KIAA0825: variants seen among roughly 807,000 people sequenced by gnomAD.
The protein encoded by KIAA0825 is KIAA0825.
Under a neutral mutation model 147.6 loss-of-function variants are expected in KIAA0825, and 119 were observed. That is an observed-to-expected ratio of 0.81 (90% confidence interval 0.69 to 0.94). The LOEUF (loss-of-function observed/expected upper bound fraction) is 0.94. Ranked by LOEUF, KIAA0825 falls within the 40% of genes least tolerant of loss-of-function variation. KIAA0825 has a pLI of 0.00. For missense variants in KIAA0825, 1,381 were observed against 1,472.7 expected, an observed-to-expected ratio of 0.94 and a Z score of 1.02; for synonymous variants, 470 against 518.1, an observed-to-expected ratio of 0.91 and a Z score of 1.26.
chr5:94,240,170 A>C (rs1486936676), intron 20 of KIAA0825, among the ~76,000 whole-genome samples: 1 of 152,214 alleles, frequency 6.6e-6, no homozygotes, highest in East Asian at 1.9e-4. Flanking sequence ...GATTTATTGC[A>C]AGTTGTTTAA....
chr5:94,416,579 A>G (rs1206856558), intron 15 of KIAA0825: 3 of 152,236 alleles, frequency 2.0e-5, no homozygotes, highest in African/African-American at 7.2e-5. Context: ...TAAGGATAAG[A>G]CAATGTGAGA....
intron 14 of KIAA0825, among the ~76,000 whole-genome samples, chr5:94,425,749 C>T (rs895217908): frequency 2.6e-5 from 4 of 152,156 alleles, no homozygotes; most frequent in Non-Finnish European, 5.9e-5. Flanking sequence ...GTATGTGTTC[C>T]CTTTTCTCCA....
chr5:94,248,781 A>T (rs1011412277), intron 20 of KIAA0825, among the ~76,000 whole-genome samples: 7 of 152,126 alleles, frequency 4.6e-5, no homozygotes, highest in African/African-American at 1.4e-4. Flanking sequence ...ACCCTGAACT[A>T]CGTTTTTTCC....
At chr5:94,490,638 C>T (rs1026174858) in intron 5 of KIAA0825, among the ~76,000 whole-genome samples, 1 of 151,714 alleles carries the variant, frequency 6.6e-6, no homozygotes, top group Non-Finnish European at 1.5e-5. Flanking sequence ...AAAACTGTTA[C>T]CCTACATTTT....
intron 13 of KIAA0825, among the ~76,000 whole-genome samples, chr5:94,449,868 C>T (rs1426836144): frequency 2.0e-5 from 3 of 152,146 alleles, no homozygotes; most frequent in African/African-American, 7.2e-5. Context: ...CACTTGAGGT[C>T]AGGAGTTTGA....
At chr5:94,529,111 A>G (rs1169627786) in intron 3 of KIAA0825, among the ~76,000 whole-genome samples, 1 of 151,224 alleles carries the variant, frequency 6.6e-6, no homozygotes. Flanking sequence ...GAGAAGCTAC[A>G]TACTGAGGGT....
intron 20 of KIAA0825, among the ~76,000 whole-genome samples, chr5:94,192,421 C>A (rs909345715): frequency 1.8e-4 from 28 of 152,080 alleles, no homozygotes; most frequent in Admixed American, 6.6e-5. Flanking sequence ...TGATTTATAA[C>A]CTCTATTTCT....
chr5:94,435,110 C>A lies in KIAA0825; in HGVS notation c.2497+4872G>T, dbSNP rs142712709. 2.4e-3 allele frequency among the ~76,000 whole-genome samples: 369 copies of A among 151,610 alleles called. 2 individuals are homozygous for A. Among genetic ancestry groups the A allele is most frequent in the African/African-American group, 6.6e-3 (273 of 41,344 alleles). ...GTTTTATCAATTAGATGAAAAAAAA[C>A]CACTATTTTTTTTTCTTTTTTTTTA... On this transcript the variant is annotated intron_variant, in intron 14 of 20. Transcript: ENST00000682413.
chr5:94,235,638 GGAA>G (rs1246864465), intron 20 of KIAA0825, among the ~76,000 whole-genome samples: 1 of 152,312 alleles, frequency 6.6e-6, no homozygotes, highest in African/African-American at 2.4e-5. Context: ...GCCTTCTATT[GGAA>G]GAAGACGCCA....
At chr5:94,279,657 TCTTC>T (rs1459053320) in intron 20 of KIAA0825, among the ~76,000 whole-genome samples, 1 of 152,058 alleles carries the variant, frequency 6.6e-6, no homozygotes, top group Non-Finnish European at 1.5e-5. Flanking sequence ...CTCCCTTCTT[TCTTC>T]CTTCCTTTCC....
intron 2 of KIAA0825, among the ~76,000 whole-genome samples, chr5:94,541,639 C>T (rs1365370212): frequency 6.6e-6 from 1 of 152,186 alleles, no homozygotes; most frequent in Non-Finnish European, 1.5e-5. Flanking sequence ...TTCCTTAGGG[C>T]AAAGACTTGC....
intron 20 of KIAA0825, among the ~76,000 whole-genome samples, chr5:94,366,115 T>C (rs1745814054): frequency 6.6e-6 from 1 of 152,068 alleles, no homozygotes. Flanking sequence ...CCTACCAAAT[T>C]ATCCTTAAAA....
intron 2 of KIAA0825, among the ~76,000 whole-genome samples, chr5:94,565,006 CTCCCTCT>C: frequency 1.6e-5 from 2 of 122,128 alleles, no homozygotes; most frequent in African/African-American, 6.5e-5. Flanking sequence ...CTCTCTCTCT[CTCCCTCT>C]CTCTCTCTCT....
At chr5:94,491,821 AC>A (rs1330795619) in intron 5 of KIAA0825, among the ~76,000 whole-genome samples, 1 of 152,218 alleles carries the variant, frequency 6.6e-6, no homozygotes, top group East Asian at 1.9e-4. Flanking sequence ...CCCAATATAC[AC>A]AAGGTAAAAC....
intron 20 of KIAA0825, among the ~76,000 whole-genome samples, chr5:94,361,370 G>T (rs764151700): frequency 7.5e-4 from 114 of 152,082 alleles, no homozygotes; most frequent in Non-Finnish European, 1.5e-3. Context: ...GCTGCCTCCA[G>T]GGAGATAAAT....
intron 2 of KIAA0825, among the ~76,000 whole-genome samples, chr5:94,558,452 T>C (rs1415434199): frequency 6.6e-6 from 1 of 152,230 alleles, no homozygotes; most frequent in Non-Finnish European, 1.5e-5. Context: ...TGCTCTTCCC[T>C]GATTACACAC....
chr5:94,354,752 G>T (rs1460654714), intron 20 of KIAA0825, among the ~76,000 whole-genome samples: 1 of 152,200 alleles, frequency 6.6e-6, no homozygotes, highest in Non-Finnish European at 1.5e-5. Flanking sequence ...GGCCATGGAA[G>T]AATTTTAGAG....
chr5:94,154,173 G>T, intron 20 of KIAA0825, 49 bp from the exon 21 acceptor site: 1 of 1,130,010 alleles, frequency 8.8e-7, no homozygotes, highest in Non-Finnish European at 1.3e-6. Context: ...CAAACCACAG[G>T]TCAACACTCA....
intron 20 of KIAA0825, among the ~76,000 whole-genome samples, chr5:94,172,124 A>G (rs1768678239): frequency 6.6e-6 from 1 of 152,190 alleles, no homozygotes; most frequent in Non-Finnish European, 1.5e-5. Flanking sequence ...TTATAGAATT[A>G]AAGTAAATTA....
Sources: allele counts gnomAD v4.1 joint callset (sites outside exome capture counted in the v4.1 genomes callset), GRCh38; gene constraint gnomAD v4.1.1; transcripts MANE v1.5; gene names NCBI Gene and HGNC (gene_info 2026-07-23, HGNC 2026-07-21).